Variants in UBE2H observed in about 807,000 individuals in gnomAD.
UBE2H encodes ubiquitin conjugating enzyme E2 H, also known as ubiquitin-conjugating enzyme E2 H.
In UBE2H, 3 loss-of-function variants were observed where a neutral mutation model predicts 29.0. The observed-to-expected ratio is 0.10, with a 90% confidence interval of 0.05 to 0.27. The LOEUF is 0.27. UBE2H is among the 10% of genes least tolerant of loss of function. UBE2H has a pLI of 1.00. For missense variants in UBE2H, 68 were observed against 228.2 expected, an observed-to-expected ratio of 0.30 and a Z score of 4.52; for synonymous variants, 69 against 82.9, an observed-to-expected ratio of 0.83 and a Z score of 0.91.
chr7:129,882,387 A>G (rs975719086), intron 1 of UBE2H, among the ~76,000 whole-genome samples: 2 of 152,236 alleles, frequency 1.3e-5, no homozygotes, highest in Non-Finnish European at 2.9e-5. Flanking sequence ...AAACATTTAA[A>G]AAGTTTTAAT....
At chr7:129,902,820 AC>A (rs1443991187) in intron 1 of UBE2H, among the ~76,000 whole-genome samples, 23 of 152,296 alleles carry the variant, frequency 1.5e-4, no homozygotes, top group Non-Finnish European at 3.1e-4. Flanking sequence ...TATTTACCCT[AC>A]GGGGAAACTG....
intron 3 of UBE2H, among the ~76,000 whole-genome samples, chr7:129,873,664 C>G (rs914268601): frequency 2.6e-5 from 4 of 151,788 alleles, no homozygotes; most frequent in African/African-American, 9.7e-5. Flanking sequence ...TCTCAAACCC[C>G]TTGTCTCCAG....
At chr7:129,949,636 CG>C (rs1358641493) in intron 1 of UBE2H, among the ~76,000 whole-genome samples, 5 of 152,142 alleles carry the variant, frequency 3.3e-5, no homozygotes, top group African/African-American at 4.8e-5. Context: ...CCTACCAACC[CG>C]TCACAAAAGA....
chr7:129,867,724 C>CAAAAAAAAA (rs1473451530), intron 3 of UBE2H, among the ~76,000 whole-genome samples: 34 of 31,184 alleles, frequency 1.1e-3, no homozygotes, highest in East Asian at 2.8e-3. Context: ...AAAAGAAAAC[C>CAAAAAAAAA]AAAAAAAAAA....
At position 129,899,341 on chromosome 7, in the gene UBE2H, C is replaced by A. The variant is rs367947503; in HGVS notation, c.54-18370G>T. On this transcript the variant is annotated intron_variant, in intron 1 of 6. Coordinates refer to ENST00000355621, the MANE Select transcript of UBE2H (RefSeq NM_003344.4). ...TCCAGTTACTTTCTAACTACCATCA[C>A]CTAAGCAGACCTGTTTCCCTCATGC... Among the ~76,000 whole-genome samples the A allele has an allele frequency of 3.3e-5, 5 of 152,206 alleles. No homozygotes were observed. The East Asian group carries it at 7.7e-4, about 23-fold the overall frequency.
intron 1 of UBE2H, among the ~76,000 whole-genome samples, chr7:129,905,007 G>C (rs139756214): frequency 1.3e-5 from 2 of 151,920 alleles, no homozygotes; most frequent in Non-Finnish European, 2.9e-5. Flanking sequence ...CCAAGGACAT[G>C]AAGTAAGATG....
chr7:129,859,871 C>G (rs1273084702), intron 3 of UBE2H, among the ~76,000 whole-genome samples: 5 of 152,110 alleles, frequency 3.3e-5, no homozygotes, highest in South Asian at 2.1e-4. Flanking sequence ...CTCCATCACC[C>G]CCATCCCCAC....
chr7:129,854,073 T>TTTTTATTTTTTTTTTATTTTA (rs1563023008), intron 5 of UBE2H, among the ~76,000 whole-genome samples: 2 of 150,100 alleles, frequency 1.3e-5, no homozygotes, highest in Non-Finnish European at 3.0e-5. Flanking sequence ...TTTTTTTTTT[T>TTTTTATTTTTTTTTTATTTTA]TTTTTTTTTG....
At chr7:129,912,126 G>A (rs1806950008) in intron 1 of UBE2H, among the ~76,000 whole-genome samples, 1 of 151,914 alleles carries the variant, frequency 6.6e-6, no homozygotes, top group African/African-American at 2.4e-5. Context: ...CCCACCCCCT[G>A]TTTTTGTAAA....
At chr7:129,888,053 T>C (rs1177976574) in intron 1 of UBE2H, among the ~76,000 whole-genome samples, 2 of 152,204 alleles carry the variant, frequency 1.3e-5, no homozygotes, top group Non-Finnish European at 2.9e-5. Context: ...TGTATATCCA[T>C]GACAAACAGC....
chr7:129,887,667 G>C (rs995937620), intron 1 of UBE2H, among the ~76,000 whole-genome samples: 7 of 142,126 alleles, frequency 4.9e-5, no homozygotes, highest in African/African-American at 1.5e-4. Context: ...GGCTGGGTGA[G>C]GTGGCTCACA....
rs149920610 is a variant in UBE2H, at chr7:129,894,917, C to G, written c.54-13946G>C. 1.7e-3 allele frequency among the ~76,000 whole-genome samples: 261 copies of G among 152,240 alleles called. 2 individuals carry two copies. Among genetic ancestry groups the G allele is most frequent in the African/African-American group, 4.3e-3 (178 of 41,518 alleles). On this transcript the variant is annotated intron_variant, in intron 1 of 6. Coordinates refer to ENST00000355621, the MANE Select transcript of UBE2H (RefSeq NM_003344.4). The stretch of plus-strand genomic sequence containing the variant: ...TCAGTTTAAAATCTGCAAACTTGGA[C>G]TGAACCGCAGAGAATAAAGTCCTGC...
chr7:129,855,036 T>C (rs1193703661), intron 5 of UBE2H, among the ~76,000 whole-genome samples: 2 of 152,200 alleles, frequency 1.3e-5, no homozygotes, highest in Non-Finnish European at 2.9e-5. Flanking sequence ...GGCGAATAGT[T>C]AAAGGGTACA....
intron 3 of UBE2H, among the ~76,000 whole-genome samples, chr7:129,873,425 C>CTTT (rs373132869): frequency 3.3e-5 from 4 of 122,968 alleles, no homozygotes; most frequent in Middle Eastern, 4.8e-3. Context: ...ACATCAAATT[C>CTTT]TTTTTTTTTT....
At chr7:129,867,370 T>TA (rs1390993969) in intron 3 of UBE2H, among the ~76,000 whole-genome samples, 1 of 143,936 alleles carries the variant, frequency 6.9e-6, no homozygotes, top group Non-Finnish European at 1.5e-5. Flanking sequence ...TATGCAGCCA[T>TA]AAAAAATGAT....
chr7:129,917,902 C>T (rs1007503814), intron 1 of UBE2H, among the ~76,000 whole-genome samples: 3 of 152,192 alleles, frequency 2.0e-5, no homozygotes, highest in Non-Finnish European at 4.4e-5. Flanking sequence ...TGAATACGCT[C>T]CTTAACACTA....
intron 1 of UBE2H, among the ~76,000 whole-genome samples, chr7:129,910,862 A>G (rs1806921323): frequency 6.6e-6 from 1 of 152,128 alleles, no homozygotes; most frequent in Non-Finnish European, 1.5e-5. Flanking sequence ...AGCCTGGGTG[A>G]CAGAGTAAGA....
intron 1 of UBE2H, among the ~76,000 whole-genome samples, chr7:129,896,457 T>A (rs967631046): frequency 6.6e-6 from 1 of 152,166 alleles, no homozygotes; most frequent in Non-Finnish European, 1.5e-5. Flanking sequence ...TGGAGTCCAG[T>A]GGCGAGATCC....
At position 129,903,914 on chromosome 7, in the gene UBE2H, A is replaced by G. The variant is rs894358384; in HGVS notation, c.54-22943T>C. Reference sequence around the variant, plus strand: ...GTGACACCCTGTCTCTTAAAAAATAATAAGTTCTAGGTTATCTTTCAATCG... The same window carrying G: ...GTGACACCCTGTCTCTTAAAAAATAGTAAGTTCTAGGTTATCTTTCAATCG... On this transcript the variant is annotated intron_variant, in intron 1 of 6. Transcript: ENST00000355621. Among the ~76,000 whole-genome samples, 8 of 152,234 alleles carry G rather than the reference A, an allele frequency of 5.3e-5. No individual in the cohort carries two copies. In the South Asian group the frequency reaches 6.2e-4, roughly 12 times the overall value.
Sources: gnomAD v4.1 joint callset for allele counts (sites outside exome capture counted in the v4.1 genomes callset) on GRCh38, gnomAD v4.1.1 for gene constraint, MANE v1.5 for transcripts, NCBI Gene and HGNC (gene_info 2026-07-23, HGNC 2026-07-21) for gene names.